CCDC148: variants seen among roughly 807,000 people sequenced by gnomAD.
CCDC148 encodes coiled-coil domain containing 148, also known as coiled-coil domain-containing protein 148.
A neutral mutation model predicts 85.7 loss-of-function variants in CCDC148; 89 were observed. The observed-to-expected ratio is 1.04, with a 90% CI of 0.87 to 1.24. CCDC148 has a LOEUF of 1.24. Ranked by LOEUF, CCDC148 falls within the 50% of genes most tolerant of loss-of-function variation. CCDC148 has a pLI of 0.00. For synonymous variants in CCDC148, 230 were observed against 213.9 expected (o/e 1.08, Z -0.66); for missense variants, 692 against 671.7 (o/e 1.03, Z -0.33).
chr2:158,286,377 A>G (rs766102313), intron 9 of CCDC148, among the ~76,000 whole-genome samples: 1 of 152,234 alleles, frequency 6.6e-6, no homozygotes, highest in Admixed American at 6.5e-5. Context: ...ATTAAAGAAG[A>G]CCTCAGTAAG....
intron 8 of CCDC148, among the ~76,000 whole-genome samples, chr2:158,311,416 C>T (rs1007537561): frequency 6.0e-5 from 9 of 150,940 alleles, no homozygotes; most frequent in African/African-American, 1.2e-4. Context: ...GCCGAGATCG[C>T]GGCAGTACAG....
chr2:158,422,636 A>G (rs985495524), intron 1 of CCDC148, among the ~76,000 whole-genome samples: 15 of 152,200 alleles, frequency 9.9e-5, no homozygotes, highest in Admixed American at 2.0e-4. Flanking sequence ...CATACTGAAT[A>G]GGCAAAAACT....
intron 9 of CCDC148, among the ~76,000 whole-genome samples, chr2:158,283,156 G>T (rs1461267628): frequency 6.6e-6 from 1 of 152,120 alleles, no homozygotes; most frequent in Non-Finnish European, 1.5e-5. Context: ...TTAAACGTTA[G>T]ACCTAAAACC....
intron 1 of CCDC148, among the ~76,000 whole-genome samples, chr2:158,401,002 T>C (rs965542119): frequency 6.6e-6 from 1 of 152,202 alleles, no homozygotes; most frequent in Non-Finnish European, 1.5e-5. Flanking sequence ...CACAATGAGA[T>C]ATCATCTCAC....
chr2:158,453,647 C>T (rs1292419398), intron 1 of CCDC148, among the ~76,000 whole-genome samples: 1 of 152,200 alleles, frequency 6.6e-6, no homozygotes, highest in Non-Finnish European at 1.5e-5. Context: ...CTGCTTCCTC[C>T]TATTCCTTGC....
chr2:158,278,663 C>T (rs192047699), intron 9 of CCDC148, among the ~76,000 whole-genome samples: 1,551 of 152,370 alleles, frequency 0.01, 29 homozygotes, highest in African/African-American at 0.035. Context: ...CTCAAGGAGG[C>T]CTGCCTGCCT....
chr2:158,381,661 C>T (rs1477577589), intron 1 of CCDC148, among the ~76,000 whole-genome samples: 1 of 152,216 alleles, frequency 6.6e-6, no homozygotes. Flanking sequence ...CATAGCAGCG[C>T]TATCTCCAGT....
At chr2:158,253,746 C>A (rs1335576897) in intron 9 of CCDC148, among the ~76,000 whole-genome samples, 1 of 151,392 alleles carries the variant, frequency 6.6e-6, no homozygotes, top group Non-Finnish European at 1.5e-5. Flanking sequence ...AATAATGGAT[C>A]CTAGTTAATG....
intron 1 of CCDC148, among the ~76,000 whole-genome samples, chr2:158,455,676 T>C (rs867842127): frequency 6.6e-6 from 1 of 152,154 alleles, no homozygotes; most frequent in South Asian, 2.1e-4. Flanking sequence ...AAAAGTAAAA[T>C]CGCCAAAAGA....
intron 1 of CCDC148, among the ~76,000 whole-genome samples, chr2:158,399,192 C>T (rs375830400): frequency 1.3e-5 from 2 of 151,970 alleles, no homozygotes; most frequent in African/African-American, 2.4e-5. Flanking sequence ...ATTCTACCAG[C>T]GGTACAAGGA....
intron 1 of CCDC148, among the ~76,000 whole-genome samples, chr2:158,421,570 CTGGGACACA>C (rs1305497439): frequency 1.3e-5 from 2 of 152,198 alleles, no homozygotes; most frequent in Non-Finnish European, 2.9e-5. Flanking sequence ...ACCACCACCT[CTGGGACACA>C]TTTAAAGCAG....
intron 9 of CCDC148, among the ~76,000 whole-genome samples, chr2:158,298,214 A>C (rs1479312924): frequency 6.6e-6 from 1 of 152,112 alleles, no homozygotes; most frequent in Non-Finnish European, 1.5e-5. Flanking sequence ...GGTCCCTCCC[A>C]CAACATGTGG....
At chr2:158,350,781 T>C (rs551764287) in intron 2 of CCDC148, among the ~76,000 whole-genome samples, 2 of 152,312 alleles carry the variant, frequency 1.3e-5, no homozygotes, top group East Asian at 1.9e-4. Context: ...ATTGTGCATA[T>C]TTATGGGCAC....
chr2:158,278,804 G>A (rs1690101836), intron 9 of CCDC148, among the ~76,000 whole-genome samples: 1 of 152,272 alleles, frequency 6.6e-6, no homozygotes, highest in Non-Finnish European at 1.5e-5. Flanking sequence ...ATGGAGATCT[G>A]AGAACGGGCA....
chr2:158,359,468 C>T (rs1683829452), intron 1 of CCDC148, among the ~76,000 whole-genome samples: 1 of 152,134 alleles, frequency 6.6e-6, no homozygotes, highest in South Asian at 2.1e-4. Flanking sequence ...TTCTGCATTT[C>T]CAACTGAGGT....
intron 10 of CCDC148, among the ~76,000 whole-genome samples, chr2:158,222,776 T>C (rs1445712433): frequency 1.3e-5 from 2 of 152,178 alleles, no homozygotes; most frequent in Non-Finnish European, 2.9e-5. Flanking sequence ...GTCGTTATCA[T>C]TGGCATGTGT....
intron 9 of CCDC148, among the ~76,000 whole-genome samples, chr2:158,267,104 C>T (rs1174647805): frequency 3.3e-5 from 5 of 151,882 alleles, no homozygotes; most frequent in East Asian, 1.9e-4. Context: ...GATAAAACTC[C>T]GATTCTTAGC....
intron 2 of CCDC148, among the ~76,000 whole-genome samples, chr2:158,357,620 C>G (rs565315285): frequency 3.4e-4 from 52 of 152,054 alleles, no homozygotes; most frequent in South Asian, 6.2e-4. Flanking sequence ...TTATATAAAC[C>G]AAATAAATAA....
At chr2:158,286,332 A>G (rs1690622740) in intron 9 of CCDC148, among the ~76,000 whole-genome samples, 1 of 152,206 alleles carries the variant, frequency 6.6e-6, no homozygotes, top group Non-Finnish European at 1.5e-5. Flanking sequence ...TTCTTAATGA[A>G]AAAAAGACAA....
Sources: allele counts gnomAD v4.1 joint callset (sites outside exome capture counted in the v4.1 genomes callset), GRCh38; gene constraint gnomAD v4.1.1; transcripts MANE v1.5; gene names NCBI Gene and HGNC (gene_info 2026-07-23, HGNC 2026-07-21).